ESRRG: variants seen among roughly 807,000 people sequenced by gnomAD.
ESRRG encodes estrogen related receptor gamma.
ESRRG carries 13 observed loss-of-function variants against 44.0 expected under a neutral mutation model. The ratio of observed to expected loss-of-function variants is 0.30; its 90% CI spans 0.19 to 0.47. ESRRG has a LOEUF of 0.47. ESRRG is among the 20% of genes least tolerant of loss of function. The pLI is 1.00. For missense variants in ESRRG, 395 were observed against 580.6 expected, an observed-to-expected ratio of 0.68 and a Z score of 3.29; for synonymous variants, 215 against 214.6, an observed-to-expected ratio of 1.00 and a Z score of -0.02.
chr1:216,877,063 C>A (rs921968567), intron 2 of ESRRG, among the ~76,000 whole-genome samples: 4 of 149,360 alleles, frequency 2.7e-5, no homozygotes, highest in African/African-American at 9.8e-5. Context: ...TACCACAAAA[C>A]AATATTTGCC....
chr1:216,711,107 T>G (rs1293336826), intron 1 of ESRRG, among the ~76,000 whole-genome samples: 1 of 152,144 alleles, frequency 6.6e-6, no homozygotes, highest in Non-Finnish European at 1.5e-5. Flanking sequence ...AGCCCCTCCC[T>G]CCTACCTATC....
intron 2 of ESRRG, among the ~76,000 whole-genome samples, chr1:216,934,964 T>C (rs1056909393): frequency 6.6e-6 from 1 of 152,208 alleles, no homozygotes; most frequent in Non-Finnish European, 1.5e-5. Flanking sequence ...TAATTACTTG[T>C]AAACTGAAAA....
chr1:216,550,322 T>C (rs896529460), intron 5 of ESRRG, among the ~76,000 whole-genome samples: 2 of 152,186 alleles, frequency 1.3e-5, no homozygotes, highest in Non-Finnish European at 2.9e-5. Flanking sequence ...CTTACCGATG[T>C]GACACATTTG....
intron 2 of ESRRG, among the ~76,000 whole-genome samples, chr1:216,789,480 T>C (rs960301020): frequency 6.6e-6 from 1 of 152,178 alleles, no homozygotes; most frequent in Non-Finnish European, 1.5e-5. Context: ...GACCACAGCA[T>C]AGTATAAGCA....
intron 2 of ESRRG, among the ~76,000 whole-genome samples, chr1:216,672,803 G>A (rs12755014): frequency 0.32 from 49,378 of 151,998 alleles, 8,535 homozygotes; most frequent in Middle Eastern, 0.42. Flanking sequence ...GGAGGTGGAG[G>A]CTGCAGTGAG....
At chr1:216,906,129 A>G (rs1296715733) in intron 2 of ESRRG, among the ~76,000 whole-genome samples, 1 of 152,204 alleles carries the variant, frequency 6.6e-6, no homozygotes, top group Non-Finnish European at 1.5e-5. Flanking sequence ...GATTAACAAA[A>G]CATACTTTCT....
At position 216,672,395 on chromosome 1, in the gene ESRRG, A is replaced by G. The variant is rs372951457; in HGVS notation, c.472+4681T>C. Reference sequence around the variant, plus strand: ...TTCTATTTACCTTTCATTGAAATCCATGATTAATTGTCTTTCACAACAGAA... The same window carrying G: ...TTCTATTTACCTTTCATTGAAATCCGTGATTAATTGTCTTTCACAACAGAA... On this transcript the variant is annotated intron_variant, in intron 2 of 6. Coordinates refer to ENST00000408911, the MANE Select transcript of ESRRG (RefSeq NM_001438.4). 7.9e-5 allele frequency among the ~76,000 whole-genome samples: 12 copies of G among 152,346 alleles called. No individual in the cohort carries two copies. The East Asian group carries it at 1.7e-3, about 22-fold the overall frequency.
intron 5 of ESRRG, among the ~76,000 whole-genome samples, chr1:216,530,133 A>AAAAAG (rs1491152312): frequency 1.5e-5 from 2 of 135,958 alleles, no homozygotes; most frequent in African/African-American, 5.8e-5. Flanking sequence ...AAAAAAAAAA[A>AAAAAG]GGGGGTGGGG....
chr1:216,730,299 GA>G (rs2088475809), intron 2 of ESRRG, among the ~76,000 whole-genome samples: 1 of 22,986 alleles, frequency 4.4e-5, no homozygotes, highest in Non-Finnish European at 8.2e-5. Context: ...CAAAAGCTTA[GA>G]AAGGTAAAAA....
intron 3 of ESRRG, among the ~76,000 whole-genome samples, chr1:216,602,641 T>C (rs909597685): frequency 2.0e-5 from 3 of 152,200 alleles, no homozygotes; most frequent in Admixed American, 1.3e-4. Flanking sequence ...GGAGAGAAGA[T>C]CTGCAAGGAT....
At chr1:217,055,299 C>T (rs1170940920) in intron 1 of ESRRG, among the ~76,000 whole-genome samples, 2 of 151,918 alleles carry the variant, frequency 1.3e-5, no homozygotes, top group African/African-American at 2.4e-5. Context: ...GACTCAGAGC[C>T]AATAAACAAG....
At chr1:216,784,250 T>C (rs2094040824) in intron 2 of ESRRG, among the ~76,000 whole-genome samples, 1 of 152,070 alleles carries the variant, frequency 6.6e-6, no homozygotes, top group South Asian at 2.1e-4. Flanking sequence ...ATTTCTCTCC[T>C]AAAGTGTTTA....
intron 2 of ESRRG, among the ~76,000 whole-genome samples, chr1:216,819,192 C>T (rs1245636950): frequency 6.6e-6 from 1 of 152,146 alleles, no homozygotes. Flanking sequence ...AACTGGTTTA[C>T]ACTCCCACCA....
intron 1 of ESRRG, among the ~76,000 whole-genome samples, chr1:216,688,318 T>C (rs987358846): frequency 2.0e-5 from 3 of 152,192 alleles, no homozygotes; most frequent in African/African-American, 7.2e-5. Flanking sequence ...TTGTGATTTA[T>C]ACCCGTCTAT....
chr1:216,707,256 C>G, intron 1 of ESRRG: 1 of 1,251,830 alleles, frequency 8.0e-7, no homozygotes, highest in Non-Finnish European at 1.1e-6. Context: ...TTTCATTAAT[C>G]AGTCTAAAAA....
chr1:216,817,423 G>A (rs890375265), intron 2 of ESRRG, among the ~76,000 whole-genome samples: 11 of 152,072 alleles, frequency 7.2e-5, no homozygotes, highest in African/African-American at 1.9e-4. Flanking sequence ...CATATCTTTC[G>A]GAATTGTAAA....
chr1:216,779,463 T>A (rs1354898288), intron 2 of ESRRG, among the ~76,000 whole-genome samples: 26 of 72,914 alleles, frequency 3.6e-4, no homozygotes, highest in African/African-American at 1.2e-3. Context: ...AATATAAATA[T>A]AAATATATAT....
Position 216,542,848 on chromosome 1 carries a change from G to T in ESRRG, c.862+21371C>A, listed in dbSNP as rs150503006. Among the ~76,000 whole-genome samples, 355 of 152,008 alleles carry T rather than the reference G, an allele frequency of 2.3e-3. 5 individuals are homozygous for T. Among genetic ancestry groups the T allele is most frequent in the African/African-American group, 8.0e-3 (331 of 41,496 alleles). ...TCTCATGCATGAATAATCCCATTTTGCTGGGGACTGGTTTTAATTTAGTGT... is the reference window on the plus strand; with the variant it reads ...TCTCATGCATGAATAATCCCATTTTTCTGGGGACTGGTTTTAATTTAGTGT... On this transcript the variant is annotated intron_variant, in intron 5 of 6. Transcript: ENST00000408911.
chr1:216,754,352 G>T (rs117093813), intron 2 of ESRRG, among the ~76,000 whole-genome samples: 1 of 151,948 alleles, frequency 6.6e-6, no homozygotes, highest in Non-Finnish European at 1.5e-5. Flanking sequence ...GAAGTATCTC[G>T]AACTTTCACT....
Sources: gnomAD v4.1 joint callset for allele counts (sites outside exome capture counted in the v4.1 genomes callset) on GRCh38, gnomAD v4.1.1 for gene constraint, MANE v1.5 for transcripts, NCBI Gene and HGNC (gene_info 2026-07-23, HGNC 2026-07-21) for gene names.